Variants in LRRC8C observed in about 807,000 individuals in gnomAD.
The protein encoded by LRRC8C is leucine rich repeat containing 8 VRAC subunit C.
LRRC8C carries 20 observed loss-of-function variants against 55.3 expected under a neutral mutation model. The ratio of observed to expected loss-of-function variants is 0.36; its 90% confidence interval spans 0.25 to 0.53. LRRC8C has a LOEUF of 0.53. Among genes scored for constraint, LRRC8C ranks in the 20% least tolerant of loss-of-function variants. LRRC8C has a pLI of 0.92. For synonymous variants in LRRC8C, 376 were observed against 360.7 expected (o/e 1.04, Z -0.48); for missense variants, 659 against 951.4 (o/e 0.69, Z 4.04).
the LRRC8C span, chr1:89,626,960 G>GACACACACACAC: frequency 3.6e-4 from 44 of 122,678 alleles, 1 homozygote; most frequent in African/African-American, 1.3e-3. Context: ...CTCTAGTCTA[G>GACACACACACAC]ACACACACAC....
intron 2 of LRRC8C, among the ~76,000 whole-genome samples, chr1:89,707,651 A>AGT (rs34052147): frequency 0.04 from 5,538 of 139,976 alleles, 174 homozygotes; most frequent in Admixed American, 0.11. Context: ...TGTGTGTGTG[A>AGT]GTGTGTGTGT....
chr1:89,714,165 A>T lies in LRRC8C; in HGVS notation c.1595A>T (p.Asn532Ile). ...VGSLSHDISR[N>I]VTLESLRDLK... ...TCTCTAAGTCATGATATTTCCAGAA[A>T]TGTCACCCTTGAGTCTCTGCGGGAT... is the stretch of plus-strand genomic sequence containing the variant. Residue 532 changes from asparagine to isoleucine, a missense_variant, in exon 3 of 3, where the codon AAT (asparagine) becomes ATT (isoleucine). This residue lies in a region of LRRC8C where 344 missense variants were observed against 464.6 expected (regional missense o/e 0.74). Transcript: ENST00000370454. The surrounding 1 kb of genome is among the most constrained non-coding windows in gnomAD (Gnocchi z 4.6). 6.2e-7 allele frequency: 1 copy of T among 1,614,130 alleles called. No homozygotes were observed. The highest frequency in any genetic ancestry group is 8.5e-7 in the Non-Finnish European group (1 of 1,180,016).
chr1:89,705,837 A>C (rs998306700), intron 2 of LRRC8C, among the ~76,000 whole-genome samples: 1 of 152,126 alleles, frequency 6.6e-6, no homozygotes, highest in African/African-American at 2.4e-5. Flanking sequence ...AAAAAAATAA[A>C]ATACATAGAC....
the LRRC8C span, among the ~76,000 whole-genome samples, chr1:89,621,413 G>A: frequency 1.1e-4 from 17 of 151,826 alleles, no homozygotes; most frequent in Admixed American, 7.9e-4. Context: ...AGCTTGCAGC[G>A]AGCCGAGATC....
At chr1:89,671,115 A>G (rs2101238055) in intron 1 of LRRC8C, among the ~76,000 whole-genome samples, 1 of 151,958 alleles carries the variant, frequency 6.6e-6, no homozygotes, top group East Asian at 1.9e-4. Context: ...TGCAGTGGCT[A>G]TTCATGGGTA....
intron 1 of LRRC8C, among the ~76,000 whole-genome samples, chr1:89,652,711 A>G (rs1656824931): frequency 6.6e-6 from 1 of 152,198 alleles, no homozygotes; most frequent in African/African-American, 2.4e-5. Context: ...TTAAAAAGAA[A>G]GCCACTGTCC....
chr1:89,670,393 G>A (rs61030833), intron 1 of LRRC8C, among the ~76,000 whole-genome samples: 3,346 of 152,198 alleles, frequency 0.022, 120 homozygotes, highest in African/African-American at 0.075. Context: ...CCCTTAGCCT[G>A]TTATACCCTC....
chr1:89,670,172 T>C (rs1657376624), intron 1 of LRRC8C, among the ~76,000 whole-genome samples: 1 of 152,226 alleles, frequency 6.6e-6, no homozygotes, highest in Admixed American at 6.5e-5. Flanking sequence ...TTATTATTAA[T>C]ACCATGCTTT....
intron 1 of LRRC8C, among the ~76,000 whole-genome samples, chr1:89,651,750 TTAG>T (rs918532197): frequency 1.3e-5 from 2 of 152,104 alleles, no homozygotes; most frequent in African/African-American, 4.8e-5. Context: ...GAGGAGTTTG[TTAG>T]TAGGCTAATT....
At chr1:89,680,546 A>G (rs1223323439) in intron 1 of LRRC8C, among the ~76,000 whole-genome samples, 1 of 107,788 alleles carries the variant, frequency 9.3e-6, no homozygotes, top group African/African-American at 3.5e-5. Context: ...TCATGCTTTC[A>G]TGCTTTTTTT....
chr1:89,662,451 G>A (rs1021520564), intron 1 of LRRC8C, among the ~76,000 whole-genome samples: 17 of 152,168 alleles, frequency 1.1e-4, no homozygotes, highest in African/African-American at 4.1e-4. Context: ...AAGAAACCCA[G>A]GATCATTCTG....
At chr1:89,629,443 A>G (rs1656050611), upstream of LRRC8C, among the ~76,000 whole-genome samples, 1 of 152,232 alleles carries the variant, frequency 6.6e-6, no homozygotes, top group South Asian at 2.1e-4. Flanking sequence ...GCAAAACAAA[A>G]CAAGAATAGC....
intron 1 of LRRC8C, among the ~76,000 whole-genome samples, chr1:89,635,396 A>G (rs1252667995): frequency 6.6e-6 from 1 of 152,206 alleles, no homozygotes; most frequent in Non-Finnish European, 1.5e-5. Flanking sequence ...AACATAATCT[A>G]GCTGCATGCT....
intron 2 of LRRC8C, among the ~76,000 whole-genome samples, chr1:89,691,312 C>A (rs1349053629): frequency 1.3e-5 from 2 of 152,130 alleles, no homozygotes; most frequent in Non-Finnish European, 2.9e-5. Flanking sequence ...AATGAATATA[C>A]AAAACCAAAA....
At chr1:89,667,921 A>G (rs540429386) in intron 1 of LRRC8C, among the ~76,000 whole-genome samples, 27 of 152,316 alleles carry the variant, frequency 1.8e-4, no homozygotes, top group African/African-American at 6.3e-4. Flanking sequence ...GTGCAAAGTC[A>G]TAATAATAAT....
chr1:89,686,579 C>T lies in LRRC8C; in HGVS notation c.106C>T (p.Leu36Phe). The T allele has an allele frequency of 6.2e-7, 1 of 1,614,156 alleles. No homozygotes were observed. The highest frequency in any genetic ancestry group is 8.5e-7 in the Non-Finnish European group (1 of 1,180,024). Residue 36 changes from leucine to phenylalanine, a missense_variant, in exon 2 of 3, where the codon CTC becomes TTC. Around this residue, in one of 5 missense-constraint regions of LRRC8C, gnomAD observed 17 missense variants for 38.2 expected, o/e 0.44. Coordinates refer to ENST00000370454, the MANE Select transcript of LRRC8C (RefSeq NM_032270.5). Reference sequence around the variant, plus strand: ...TACCGATTACCTCTCAGTAGCCATGCTCATGATCGGCGTGTTTGGATGTAC... The same window carrying T: ...TACCGATTACCTCTCAGTAGCCATGTTCATGATCGGCGTGTTTGGATGTAC... The part of the protein sequence containing the change: ...VFTDYLSVAM[L>F]MIGVFGCTLQ...
chr1:89,701,554 A>T (rs1259655369), intron 2 of LRRC8C, among the ~76,000 whole-genome samples: 1 of 152,070 alleles, frequency 6.6e-6, no homozygotes, highest in Non-Finnish European at 1.5e-5. Flanking sequence ...AAGTATTTTC[A>T]TATGCTGTTG....
chr1:89,708,150 C>A (rs1001978541), intron 2 of LRRC8C, among the ~76,000 whole-genome samples: 3 of 151,878 alleles, frequency 2.0e-5, no homozygotes, highest in African/African-American at 4.8e-5. Context: ...CACCACGTAA[C>A]TCCATTCTCA....
intron 1 of LRRC8C, among the ~76,000 whole-genome samples, chr1:89,641,875 A>G (rs1055103248): frequency 6.6e-6 from 1 of 152,190 alleles, no homozygotes; most frequent in African/African-American, 2.4e-5. Context: ...GTTCTGTTCT[A>G]CTTAGCATGC....
Sources: allele counts gnomAD v4.1 joint callset (sites outside exome capture counted in the v4.1 genomes callset), GRCh38; gene constraint gnomAD v4.1.1; regional missense constraint gnomAD v4.1.1; non-coding constraint Gnocchi (gnomAD v3.1); transcripts MANE v1.5; gene names NCBI Gene and HGNC (gene_info 2026-07-23, HGNC 2026-07-21).